DCDC1: variants seen among roughly 807,000 people sequenced by gnomAD.
The protein encoded by DCDC1 is doublecortin domain-containing protein 1.
In DCDC1, 200 loss-of-function variants were observed where a neutral mutation model predicts 178.3. The ratio of observed to expected loss-of-function variants is 1.12; its 90% confidence interval spans 1.00 to 1.26. The LOEUF is 1.26. Ranked by LOEUF, DCDC1 falls within the 50% of genes most tolerant of loss-of-function variation. The probability of loss-of-function intolerance (pLI) is 0.00; values close to 1 mark genes in which losing one functional copy is unlikely to be tolerated. For missense variants in DCDC1, 1,983 were observed against 1,749.2 expected (o/e 1.13, Z -2.38); for synonymous variants, 690 against 604.8 (o/e 1.14, Z -2.07).
intron 20 of DCDC1, among the ~76,000 whole-genome samples, chr11:30,972,713 C>A (rs950903532): frequency 3.3e-5 from 5 of 152,050 alleles, no homozygotes; most frequent in Non-Finnish European, 7.4e-5. Context: ...CATAACATAA[C>A]CTTGAATGTA....
intron 1 of DCDC1, among the ~76,000 whole-genome samples, chr11:31,369,402 G>C (rs1952153637): frequency 6.6e-6 from 1 of 152,070 alleles, no homozygotes; most frequent in African/African-American, 2.4e-5. Context: ...TTTAATTTTC[G>C]AATTAGAACA....
intron 20 of DCDC1, among the ~76,000 whole-genome samples, chr11:31,007,940 G>A (rs1158453286): frequency 1.3e-5 from 2 of 152,128 alleles, no homozygotes; most frequent in Non-Finnish European, 2.9e-5. Context: ...TGGGATTACA[G>A]GTGTGAGCCA....
At chr11:31,061,131 AG>A (rs996503621) in intron 20 of DCDC1, among the ~76,000 whole-genome samples, 2 of 152,110 alleles carry the variant, frequency 1.3e-5, no homozygotes, top group Non-Finnish European at 2.9e-5. Flanking sequence ...ATGTGCCCAA[AG>A]GCAAACTGTC....
intron 3 of DCDC1, among the ~76,000 whole-genome samples, chr11:31,325,138 T>A (rs1006110882): frequency 3.9e-5 from 6 of 152,164 alleles, no homozygotes; most frequent in Non-Finnish European, 8.8e-5. Context: ...ATATACTAAT[T>A]GTTTACAACA....
chr11:31,214,715 G>A lies in DCDC1; in HGVS notation c.1221+26735C>T, dbSNP rs1430760766. 2.0e-5 allele frequency among the ~76,000 whole-genome samples: 3 copies of A among 152,204 alleles called. No individual in the cohort carries two copies. The East Asian group carries it at 5.8e-4, about 29-fold the overall frequency. ...CTTAAATTGGTCTTTAGAAATTACA[G>A]GTTACAAATAAGATAACAGAAATGT... On this transcript the variant is annotated intron_variant, in intron 9 of 38. Coordinates refer to ENST00000684477, the MANE Select transcript of DCDC1 (RefSeq NM_001387274.1).
At chr11:31,051,144 A>G (rs1328763420) in intron 20 of DCDC1, among the ~76,000 whole-genome samples, 1 of 152,206 alleles carries the variant, frequency 6.6e-6, no homozygotes, top group Non-Finnish European at 1.5e-5. Context: ...AATCAAATTC[A>G]GGAAAATTTG....
chr11:31,351,226 C>A (rs1444374352), intron 1 of DCDC1, among the ~76,000 whole-genome samples: 2 of 151,906 alleles, frequency 1.3e-5, no homozygotes, highest in Non-Finnish European at 2.9e-5. Context: ...TGGTATTTTT[C>A]TTCAAAAATA....
chr11:31,285,849 T>C (rs550065395), intron 7 of DCDC1, among the ~76,000 whole-genome samples: 1 of 152,236 alleles, frequency 6.6e-6, no homozygotes, highest in East Asian at 1.9e-4. Context: ...TAAGCCAGAC[T>C]TGCTACACAT....
At chr11:31,227,072 C>G (rs981170861) in intron 9 of DCDC1, among the ~76,000 whole-genome samples, 1 of 152,078 alleles carries the variant, frequency 6.6e-6, no homozygotes, top group Non-Finnish European at 1.5e-5. Context: ...CCTAGAGCAA[C>G]TACACATACA....
At chr11:31,279,212 T>C (rs187645333) in intron 7 of DCDC1, among the ~76,000 whole-genome samples, 1 of 152,132 alleles carries the variant, frequency 6.6e-6, no homozygotes, top group Non-Finnish European at 1.5e-5. Flanking sequence ...TTGAGTGTTG[T>C]GGTATTGGAT....
chr11:31,101,910 C>G (rs1958527695), intron 15 of DCDC1, among the ~76,000 whole-genome samples: 1 of 152,014 alleles, frequency 6.6e-6, no homozygotes, highest in African/African-American at 2.4e-5. Flanking sequence ...AACCCCATCT[C>G]TACGAAAAGT....
chr11:30,936,853 TTTAA>T (rs1250831218), intron 21 of DCDC1, among the ~76,000 whole-genome samples: 1 of 152,194 alleles, frequency 6.6e-6, no homozygotes, highest in Non-Finnish European at 1.5e-5. Context: ...ATAGTCAATT[TTTAA>T]TTAATCCCTC....
At chr11:31,153,817 C>CACACACACACA (rs957007039) in intron 9 of DCDC1, among the ~76,000 whole-genome samples, 79 of 150,100 alleles carry the variant, frequency 5.3e-4, no homozygotes, top group African/African-American at 1.9e-3. Context: ...CACACACACA[C>CACACACACACA]AATTACCATA....
At chr11:31,122,496 A>C (rs577670255) in intron 11 of DCDC1, among the ~76,000 whole-genome samples, 1 of 152,232 alleles carries the variant, frequency 6.6e-6, no homozygotes, top group East Asian at 1.9e-4. Context: ...GATTATTATA[A>C]ATTCTGCTGA....
Position 30,878,578 on chromosome 11 carries a change from T to C in DCDC1, c.*6A>G, listed in dbSNP as rs752766875. On this transcript the variant is annotated 3_prime_UTR_variant, in exon 38 of 39. Coordinates refer to ENST00000684477, the MANE Select transcript of DCDC1 (RefSeq NM_001387274.1). The stretch of plus-strand genomic sequence containing the variant: ...ACAGCAGAAAATCCGATGGTTCTGA[T>C]AGGAGTTAATTGTGGAGATGTGCCA... 2 of 1,591,012 alleles carry C rather than the reference T, an allele frequency of 1.3e-6. No individual in the cohort carries two copies. Among genetic ancestry groups the C allele is most frequent in the Admixed American group, 3.7e-5 (2 of 53,640 alleles).
intron 1 of DCDC1, among the ~76,000 whole-genome samples, chr11:31,342,719 A>C (rs933807578): frequency 3.9e-5 from 6 of 152,218 alleles, no homozygotes; most frequent in African/African-American, 1.4e-4. Flanking sequence ...CCAGCTGTGC[A>C]TAGCAAGGCA....
At chr11:31,117,331 C>G (rs536699325) in intron 11 of DCDC1, among the ~76,000 whole-genome samples, 1 of 151,310 alleles carries the variant, frequency 6.6e-6, no homozygotes, top group East Asian at 2.0e-4. Context: ...GTAGATCCTA[C>G]TTTTATCTAT....
chr11:31,118,092 C>A (rs1386543496), intron 11 of DCDC1, among the ~76,000 whole-genome samples: 2 of 151,900 alleles, frequency 1.3e-5, no homozygotes, highest in African/African-American at 4.8e-5. Context: ...TAGTCATGTG[C>A]CCCTCAAATT....
intron 9 of DCDC1, among the ~76,000 whole-genome samples, chr11:31,186,422 CT>C (rs1298707481): frequency 6.6e-6 from 1 of 152,220 alleles, no homozygotes; most frequent in East Asian, 1.9e-4. Context: ...TATAACTTAA[CT>C]GTACTGCATC....
Sources: allele counts gnomAD v4.1 joint callset (sites outside exome capture counted in the v4.1 genomes callset), GRCh38; gene constraint gnomAD v4.1.1; transcripts MANE v1.5; gene names NCBI Gene and HGNC (gene_info 2026-07-23, HGNC 2026-07-21).